The following AP4E1 variants were observed in gnomAD, a reference collection of about 807,000 sequenced individuals.
The protein encoded by AP4E1 is adaptor related protein complex 4 subunit epsilon 1, also known as AP-4 complex subunit epsilon-1.
In AP4E1, 56 loss-of-function variants were observed where a neutral mutation model predicts 128.2. That is an observed-to-expected ratio of 0.44 (90% CI 0.35 to 0.55). The LOEUF (loss-of-function observed/expected upper bound fraction) is 0.55. Among genes scored for constraint, AP4E1 ranks in the 20% least tolerant of loss-of-function variants. The pLI is 0.00. For missense variants in AP4E1, 1,324 were observed against 1,307.7 expected (o/e 1.01, Z -0.19); for synonymous variants, 484 against 473.1 (o/e 1.02, Z -0.30).
In AP4E1 at chr15:50,941,750, A is replaced by G. The variant is rs866266998; in HGVS notation, c.1151A>G (p.His384Arg). Residue 384 changes from histidine (H) to arginine (R), a missense_variant, in exon 10 of 21, where the codon CAT (histidine) becomes CGT (arginine). His to Arg is a conservative substitution (Grantham distance 29). Transcript: ENST00000261842. ...HQMTIIECLD[H>R]PDPIIKRETL... is the part of the protein sequence containing the mutation. ...ATGACAATAATTGAATGTTTAGATC[A>G]TCCTGATCCCATTATTAAAAGAGAG... 6.2e-7 allele frequency: 1 copy of G among 1,611,086 alleles called. No individual in the cohort carries two copies. Among genetic ancestry groups the G allele is most frequent in the Non-Finnish European group, 8.5e-7 (1 of 1,177,366 alleles).
At chr15:50,934,738 G>C in intron 8 of AP4E1, 41 bp downstream of exon 8, 6 of 1,322,294 alleles carry the variant, frequency 4.5e-6, no homozygotes, top group Non-Finnish European at 6.5e-6. Context: ...GACTAATAAT[G>C]TTTTTTAGTA....
In AP4E1 at chr15:51,001,025, G is replaced by T; in HGVS notation, c.3096-1G>T. ...TATCTAATTTTAAAAATTATTTTCA[G>T]ACCATTAAAAATCTCAAGTGACGAC... On this transcript the variant is annotated splice_acceptor_variant, in intron 19 of 20. Coordinates refer to ENST00000261842, the MANE Select transcript of AP4E1 (RefSeq NM_007347.5). LOFTEE classifies it high-confidence loss of function. 1 of 1,607,670 alleles carries T rather than the reference G, an allele frequency of 6.2e-7. No individual in the cohort carries two copies. The highest frequency in any genetic ancestry group is 8.5e-7 in the Non-Finnish European group (1 of 1,175,190).
rs2064262644 is a variant in AP4E1, at chr15:50,958,501, G to A, written c.1558G>A (p.Glu520Lys). 6.2e-7 allele frequency: 1 copy of A among 1,610,948 alleles called. No homozygotes were observed. Among genetic ancestry groups the A allele is most frequent in the Non-Finnish European group, 8.5e-7 (1 of 1,178,144 alleles). The change falls in exon 14 of 21, where the codon GAA (glutamate) becomes AAA (lysine). Residue 520 changes from glutamate (E) to lysine (K), a missense_variant. Coordinates refer to ENST00000261842, the MANE Select transcript of AP4E1 (RefSeq NM_007347.5). ...FLQVMSWVLG[E>K]YSYLLDKETP... ...TTTGTTTTATTTACAGGTATTAGGG[G>A]AATATTCCTACCTCTTAGATAAGGA...
rs1555462180 is a variant in AP4E1 at position 50,993,506 on chromosome 15, C to G, written c.2227C>G (p.Gln743Glu). ...AGAGAGTATAATGGAGAATGTAGAT[C>G]AAGCTATAACTAAAAAGGATCAATC... ...PQESIMENVD[Q>E]AITKKDQSQV... The change falls in exon 17 of 21, where the codon CAA becomes GAA. Residue 743 changes from glutamine to glutamate, a missense_variant. Coordinates refer to ENST00000261842, the MANE Select transcript of AP4E1 (RefSeq NM_007347.5). The G allele has an allele frequency of 2.5e-6, 4 of 1,613,948 alleles. No homozygotes were observed. The highest frequency in any genetic ancestry group is 1.7e-4 in the Middle Eastern group (1 of 6,060).
In AP4E1 at chr15:50,908,928, C is replaced by A; in HGVS notation, c.150C>A (p.His50Gln). 1 of 1,610,620 alleles carries A rather than the reference C, an allele frequency of 6.2e-7. No individual in the cohort carries two copies. Among genetic ancestry groups the A allele is most frequent in the Non-Finnish European group, 8.5e-7 (1 of 1,179,410 alleles). The change falls in exon 1 of 21, where the codon CAC (histidine) becomes CAA (glutamine). Residue 50 changes from histidine (H) to glutamine (Q), a missense_variant and splice_region_variant. His to Gln is a conservative substitution (Grantham distance 24). Transcript: ENST00000261842. ...VRGITALTSK[H>Q]EEEKLIQQEL... The stretch of plus-strand genomic sequence containing the variant: ...GCATCACAGCCCTCACCTCCAAGCA[C>A]GTAGGTGCCCGCCGGCCCGGGAGCT...
chr15:50,909,493 G>A (rs2063537475), intron 1 of AP4E1, among the ~76,000 whole-genome samples: 1 of 152,212 alleles, frequency 6.6e-6, no homozygotes, highest in South Asian at 2.1e-4. Context: ...CAAAGAAAAA[G>A]CACAGTTCTC....
Position 50,929,181 on chromosome 15 carries a change from T to C in AP4E1, c.702+13T>C. 6.2e-7 allele frequency: 1 copy of C among 1,612,554 alleles called. No homozygotes were observed. Among genetic ancestry groups the C allele is most frequent in the Non-Finnish European group, 8.5e-7 (1 of 1,179,118 alleles). ...TAGAATGATTAAGGTAAGTTGGAAA[T>C]TTTAGCAAGTACTGAGTAGTTACCA... On this transcript the variant is annotated intron_variant, in intron 6 of 20. Transcript: ENST00000261842.
chr15:50,948,339 C>CTTTTTTTTTTTTTTTTTTTTTGTTTTTTT (rs66467957), intron 11 of AP4E1, among the ~76,000 whole-genome samples, 180 bp downstream of exon 11: 1 of 122,060 alleles, frequency 8.2e-6, no homozygotes, highest in Admixed American at 8.3e-5. Context: ...TAGGAGATGG[C>CTTTTTTTTTTTTTTTTTTTTTGTTTTTTT]TTTTTTTTTT....
intron 14 of AP4E1, 142 bp downstream of exon 14, chr15:50,958,936 G>C: frequency 4.4e-6 from 4 of 907,772 alleles, no homozygotes; most frequent in South Asian, 2.9e-5. Flanking sequence ...TTTCACATTA[G>C]TATGACAGGG....
At chr15:50,951,131 A>G (rs754700999) in intron 13 of AP4E1, among the ~76,000 whole-genome samples, 11 of 152,210 alleles carry the variant, frequency 7.2e-5, no homozygotes, top group Non-Finnish European at 1.3e-4. Flanking sequence ...CTGTGGGTCA[A>G]GAGTCCAGGT....
chr15:50,997,317 T>G lies in AP4E1; in HGVS notation c.2347-9T>G. ...TTTCTTTTTATATTATTATGTTTTATTTTTGCAGCTGGGAAAAGCAGATAC... is the reference window on the plus strand; with the variant it reads ...TTTCTTTTTATATTATTATGTTTTAGTTTTGCAGCTGGGAAAAGCAGATAC... On this transcript the variant is annotated splice_polypyrimidine_tract_variant and intron_variant, in intron 17 of 20. Transcript: ENST00000261842. The G allele has an allele frequency of 6.3e-7, 1 of 1,582,272 alleles. No homozygotes were observed. The highest frequency in any genetic ancestry group is 8.5e-7 in the Non-Finnish European group (1 of 1,170,326).
chr15:50,911,369 A>G (rs1167353726), intron 1 of AP4E1, among the ~76,000 whole-genome samples: 2 of 151,840 alleles, frequency 1.3e-5, no homozygotes, highest in East Asian at 1.9e-4. Context: ...CTGCTTTCTT[A>G]CCCTGTTTCT....
chr15:50,973,876 T>C (rs2064516797), intron 15 of AP4E1, among the ~76,000 whole-genome samples: 1 of 152,200 alleles, frequency 6.6e-6, no homozygotes, highest in Non-Finnish European at 1.5e-5. Context: ...GCAGTGAACA[T>C]GGGAATGCTA....
At chr15:50,931,283 T>C (rs1415220267) in intron 7 of AP4E1, among the ~76,000 whole-genome samples, 1 of 149,118 alleles carries the variant, frequency 6.7e-6, no homozygotes, top group Non-Finnish European at 1.5e-5. Flanking sequence ...ATAAATATTT[T>C]AGGTGGCCGG....
chr15:50,948,215 A>C, intron 11 of AP4E1, 56 bp downstream of exon 11: 1 of 1,595,768 alleles, frequency 6.3e-7, no homozygotes, highest in Non-Finnish European at 8.6e-7. Context: ...AGTGACTTTA[A>C]GATGATTGGT....
chr15:50,990,313 T>C (rs1353227631), intron 16 of AP4E1, among the ~76,000 whole-genome samples: 4 of 149,344 alleles, frequency 2.7e-5, no homozygotes, highest in Non-Finnish European at 4.4e-5. Flanking sequence ...TGCTTTCTTA[T>C]GTATTTTCCC....
chr15:50,948,199 TTATGCAGTGAC>T, intron 11 of AP4E1, 40 bp downstream of exon 11: 1 of 1,599,830 alleles, frequency 6.3e-7, no homozygotes, highest in Non-Finnish European at 8.5e-7. Context: ...AAATAGTTAG[TTATGCAGTGAC>T]TTTAAGATGA....
intron 14 of AP4E1, among the ~76,000 whole-genome samples, chr15:50,962,884 A>G (rs2064334533): frequency 7.7e-6 from 1 of 129,142 alleles, no homozygotes; most frequent in Non-Finnish European, 1.6e-5. Flanking sequence ...AACTCAATTC[A>G]ACAGCAAAAA....
intron 2 of AP4E1, among the ~76,000 whole-genome samples, chr15:50,912,561 C>T (rs1046367152): frequency 2.6e-5 from 4 of 152,198 alleles, no homozygotes; most frequent in Middle Eastern, 3.4e-3. Context: ...TCTGATTTTT[C>T]AAACAATATT....
Sources: allele counts gnomAD v4.1 joint callset (sites outside exome capture counted in the v4.1 genomes callset), GRCh38; gene constraint gnomAD v4.1.1; transcripts MANE v1.5; gene names NCBI Gene and HGNC (gene_info 2026-07-23, HGNC 2026-07-21).